TBC1D28: variants seen among roughly 807,000 people sequenced by gnomAD.
TBC1D28 encodes TBC1 domain family member 28.
In TBC1D28, 20 loss-of-function variants were observed where a neutral mutation model predicts 29.2. The observed-to-expected ratio is 0.68, with a 90% CI of 0.48 to 0.99. The LOEUF is 0.99. Among genes scored for constraint, TBC1D28 ranks in the 50% least tolerant of loss-of-function variants. The pLI is 0.00. For missense variants in TBC1D28, 205 were observed against 243.7 expected (o/e 0.84, Z 1.06); for synonymous variants, 65 against 90.9 (o/e 0.71, Z 1.62).
exon 1 of TBC1D28, chr17:18,642,280 T>C (rs1485134511): frequency 2.6e-5 from 4 of 152,408 alleles, no homozygotes; most frequent in African/African-American, 9.6e-5. Context: ...GGACCCCATG[T>C]GTCCAGTGGG....
chr17:18,636,469 G>C (rs368055633), exon 9 of TBC1D28: 8 of 1,611,810 alleles, frequency 5.0e-6, no homozygotes, highest in Non-Finnish European at 6.8e-6. Flanking sequence ...TTTTCAAGAA[G>C]TTGCAACACC....
chr17:18,644,014 A>G (rs2031887462), upstream of TBC1D28, among the ~76,000 whole-genome samples: 1 of 152,180 alleles, frequency 6.6e-6, no homozygotes, highest in African/African-American at 2.4e-5. Flanking sequence ...CATAGAGACC[A>G]GGGCATGCAC....
At chr17:18,636,199 G>C (rs1402651921) in exon 9 of TBC1D28, 86 of 1,245,918 alleles carry the variant, frequency 6.9e-5, no homozygotes, top group Non-Finnish European at 8.7e-5. Context: ...GCTCCCCCAG[G>C]ATGCAAACTC....
Sources: allele counts gnomAD v4.1 joint callset (sites outside exome capture counted in the v4.1 genomes callset), GRCh38; gene constraint gnomAD v4.1.1; transcripts MANE v1.5; gene names NCBI Gene and HGNC (gene_info 2026-07-23, HGNC 2026-07-21).